EIF4ENIF1: variants seen among roughly 807,000 people sequenced by gnomAD.
EIF4ENIF1 encodes the protein eukaryotic translation initiation factor 4E transporter.
In EIF4ENIF1, 23 loss-of-function variants were observed where a neutral mutation model predicts 110.5. That is an observed-to-expected ratio of 0.21 (90% CI 0.15 to 0.29). EIF4ENIF1 has a LOEUF of 0.29. Ranked by LOEUF, EIF4ENIF1 falls within the 10% of genes least tolerant of loss-of-function variation. EIF4ENIF1 has a pLI of 1.00. For missense variants in EIF4ENIF1, 1,031 were observed against 1,221.1 expected (o/e 0.84, Z 2.32); for synonymous variants, 440 against 437.0 (o/e 1.01, Z -0.09).
intron 2 of EIF4ENIF1, among the ~76,000 whole-genome samples, chr22:31,487,385 A>G (rs2052072906): frequency 6.6e-6 from 1 of 152,232 alleles, no homozygotes; most frequent in Non-Finnish European, 1.5e-5. Flanking sequence ...TTAATCTGAC[A>G]GTATTTGATA....
At chr22:31,482,237 T>C (rs763935982) in intron 2 of EIF4ENIF1, among the ~76,000 whole-genome samples, 1 of 152,122 alleles carries the variant, frequency 6.6e-6, no homozygotes, top group South Asian at 2.1e-4. Context: ...TTAATACGCA[T>C]GTTTAACACT....
chr22:31,447,358 A>C, intron 14 of EIF4ENIF1, 68 bp downstream of exon 14: 1 of 1,585,248 alleles, frequency 6.3e-7, no homozygotes, highest in Non-Finnish European at 8.6e-7. Context: ...TATACTGCAG[A>C]TAAGTAATTT....
intron 9 of EIF4ENIF1, 48 bp downstream of exon 9, chr22:31,455,088 C>A (rs1259354598): frequency 6.6e-7 from 1 of 1,512,408 alleles, no homozygotes; most frequent in Non-Finnish European, 8.9e-7. Flanking sequence ...GAAGACTGAA[C>A]ATCTAGACCT....
intron 10 of EIF4ENIF1, chr22:31,451,278 ATTATT>A (rs1032644848): frequency 3.1e-4 from 47 of 151,984 alleles, no homozygotes; most frequent in African/African-American, 1.0e-3. Context: ...TTTAAGCTTT[ATTATT>A]TTATTTTTTG....
chr22:31,467,327 T>G (rs550831222), intron 4 of EIF4ENIF1, among the ~76,000 whole-genome samples: 1 of 152,350 alleles, frequency 6.6e-6, no homozygotes, highest in East Asian at 1.9e-4. Flanking sequence ...CAAGTTTTTA[T>G]GATGAGTCGT....
chr22:31,453,312 T>C lies in EIF4ENIF1; in HGVS notation c.1512+832A>G, dbSNP rs113031392. 274 of 365,514 alleles carry C rather than the reference T, an allele frequency of 7.5e-4. 1 individual carries two copies. The Middle Eastern group carries it at 9.0e-3, about 12-fold the overall frequency. The allele number at this position is 365,514 out of a possible 1,614,324, so 22.6% of individuals were successfully genotyped here. On this transcript the variant is annotated intron_variant, in intron 10 of 18. Transcript: ENST00000330125. ...ATGCCTACAAGTTTTGTTTTTAACT[T>C]GGAGCCACAACTTTTTCCATTAGTA...
At chr22:31,462,219 A>G (rs1412116756) in intron 6 of EIF4ENIF1, among the ~76,000 whole-genome samples, 1 of 152,158 alleles carries the variant, frequency 6.6e-6, no homozygotes, top group Non-Finnish European at 1.5e-5. Flanking sequence ...ATGGTGGCTC[A>G]CACCTATAAT....
chr22:31,443,778 AGAT>A (rs2050377712), intron 15 of EIF4ENIF1, among the ~76,000 whole-genome samples: 1 of 150,348 alleles, frequency 6.7e-6, no homozygotes, highest in South Asian at 2.1e-4. Context: ...GGCTTTGATT[AGAT>A]GATAAAGATT....
chr22:31,458,837 C>G (rs1259934133), intron 6 of EIF4ENIF1, among the ~76,000 whole-genome samples, 187 bp from the exon 7 acceptor site: 1 of 151,972 alleles, frequency 6.6e-6, no homozygotes, highest in African/African-American at 2.4e-5. Context: ...AGGAAAAAAG[C>G]CTTAATAAAG....
chr22:31,464,675 CAAAAAAAA>C (rs770904708), intron 4 of EIF4ENIF1, among the ~76,000 whole-genome samples: 391 of 30,906 alleles, frequency 0.013, 21 homozygotes, highest in South Asian at 0.021. Context: ...GATTCAGTCT[CAAAAAAAA>C]AAAAAAAAAA....
intron 2 of EIF4ENIF1, among the ~76,000 whole-genome samples, chr22:31,484,432 C>T (rs546525103): frequency 3.3e-5 from 5 of 152,052 alleles, no homozygotes; most frequent in Non-Finnish European, 7.4e-5. Flanking sequence ...GAACACTAAA[C>T]TAAGAAGGGT....
At chr22:31,479,458 A>G (rs563464009) in intron 2 of EIF4ENIF1, 27 of 152,122 alleles carry the variant, frequency 1.8e-4, no homozygotes, top group African/African-American at 6.3e-4. Flanking sequence ...GTATTGTTGC[A>G]ATTTTAGTAT....
At chr22:31,464,699 A>AAAAAAAAAAT (rs1304121964) in intron 4 of EIF4ENIF1, among the ~76,000 whole-genome samples, 8 of 39,118 alleles carry the variant, frequency 2.0e-4, no homozygotes, top group East Asian at 1.2e-3. Flanking sequence ...AAAAAAAAAA[A>AAAAAAAAAAT]ATATATATAT....
intron 7 of EIF4ENIF1, 29 bp from the exon 8 acceptor site, chr22:31,456,016 G>C (rs746323724): frequency 3.1e-6 from 5 of 1,606,506 alleles, no homozygotes; most frequent in Non-Finnish European, 4.2e-6. Flanking sequence ...AAAACTAATA[G>C]TTTCTAGATG....
chr22:31,440,522 C>G (rs1351949864), intron 18 of EIF4ENIF1, among the ~76,000 whole-genome samples, 182 bp downstream of exon 18: 2 of 152,220 alleles, frequency 1.3e-5, no homozygotes, highest in African/African-American at 4.8e-5. Context: ...TTTGCAGGAA[C>G]AGTAATCCCA....
chr22:31,445,232 C>T (rs1418530109), intron 14 of EIF4ENIF1, among the ~76,000 whole-genome samples: 2 of 152,056 alleles, frequency 1.3e-5, no homozygotes, highest in Non-Finnish European at 2.9e-5. Context: ...GGGCAGGGAG[C>T]GGCAATAATT....
intron 1 of EIF4ENIF1, 107 bp from the exon 2 acceptor site, chr22:31,488,852 G>A (rs2052145886): frequency 7.5e-7 from 1 of 1,325,876 alleles, no homozygotes; most frequent in African/African-American, 1.5e-5. Flanking sequence ...AACAGCTAGT[G>A]TTAAAAACAA....
chr22:31,440,049 C>CA lies in EIF4ENIF1; in HGVS notation c.2788_2789insT (p.Ser930MetfsTer51). On this transcript the variant is annotated frameshift_variant, in exon 19 of 19. Coordinates refer to ENST00000330125, the MANE Select transcript of EIF4ENIF1 (RefSeq NM_019843.4). LOFTEE classifies it high-confidence loss of function. ...GTGCATGTGGGGCAGGCCTGACCGGCTGGGCACGTTCTGAGGGGTTGTCTG... is the reference window on the plus strand; with the variant it reads ...GTGCATGTGGGGCAGGCCTGACCGGCATGGGCACGTTCTGAGGGGTTGTCTG... 1 of 1,614,012 alleles carries CA rather than the reference C, an allele frequency of 6.2e-7. No individual in the cohort carries two copies. Among genetic ancestry groups the CA allele is most frequent in the African/African-American group, 1.3e-5 (1 of 75,048 alleles).
Position 31,455,254 on chromosome 22 carries a change from T to C in EIF4ENIF1, c.1161A>G (p.Pro387=). The C allele has an allele frequency of 1.2e-6, 2 of 1,613,990 alleles. No homozygotes were observed. Among genetic ancestry groups the C allele is most frequent in the South Asian group, 2.2e-5 (2 of 91,024 alleles). ...QNSGNYFAPI[P]LEDHAENKVD... Reference sequence around the variant, plus strand: ...CTTTATTTTCAGCATGGTCTTCCAATGGTATAGGAGCAAAGTAATTCCCCG... The same window carrying C: ...CTTTATTTTCAGCATGGTCTTCCAACGGTATAGGAGCAAAGTAATTCCCCG... Residue 387 remains proline (P), a synonymous_variant, in exon 9 of 19, where the codon CCA becomes CCG. Coordinates refer to ENST00000330125, the MANE Select transcript of EIF4ENIF1 (RefSeq NM_019843.4).
Sources: allele counts gnomAD v4.1 joint callset (sites outside exome capture counted in the v4.1 genomes callset), GRCh38; gene constraint gnomAD v4.1.1; transcripts MANE v1.5; gene names NCBI Gene and HGNC (gene_info 2026-07-23, HGNC 2026-07-21).